The following MDN1 variants were observed in gnomAD, a reference collection of about 807,000 sequenced individuals.
MDN1 encodes midasin AAA ATPase 1.
In MDN1, 266 loss-of-function variants were observed where a neutral mutation model predicts 669.2. The observed-to-expected ratio is 0.40, with a 90% CI of 0.36 to 0.44. The LOEUF is 0.44. MDN1 is among the 20% of genes least tolerant of loss of function. MDN1 has a pLI of 1.00. For missense variants in MDN1, 5,940 were observed against 6,754.0 expected, an observed-to-expected ratio of 0.88 and a Z score of 4.22; for synonymous variants, 2,385 against 2,457.1, an observed-to-expected ratio of 0.97 and a Z score of 0.87.
intron 24 of MDN1, 84 bp from the exon 25 acceptor site, chr6:89,749,835 G>A (rs900666142): frequency 1.8e-6 from 2 of 1,099,842 alleles, no homozygotes; most frequent in African/African-American, 3.2e-5. Flanking sequence ...ACAAATCCTA[G>A]GTTATCATCA....
At position 89,686,980 on chromosome 6, in the gene MDN1, C is replaced by T. The variant is rs765999089; in HGVS notation, c.11494G>A (p.Glu3832Lys). 8 of 1,613,822 alleles carry T rather than the reference C, an allele frequency of 5.0e-6. No homozygotes were observed. Among genetic ancestry groups the T allele is most frequent in the Middle Eastern group, 1.6e-4 (1 of 6,062 alleles). The part of the protein sequence containing the change: ...SLDNTMKRHT[E>K]KSTKHWFSIY... ...GAGAACCAGTGCTTGGTGGATTTCT[C>T]GGTGTGGCGCTTCATAGTATTATCC... The change falls in exon 69 of 102, where the codon GAG becomes AAG. Residue 3832 changes from glutamate to lysine, a missense_variant. Physicochemically the swap from Glu to Lys is moderately conservative, Grantham distance 56. This residue lies in a region of MDN1 where 2,280 missense variants were observed against 2,576.3 expected (regional missense o/e 0.88). Coordinates refer to ENST00000369393, the MANE Select transcript of MDN1 (RefSeq NM_014611.3).
rs1029706098 is a variant in MDN1, at chr6:89,753,378, G to A, written c.3075+134C>T. The A allele has an allele frequency of 2.7e-5, 17 of 638,266 alleles. No homozygotes were observed. In the East Asian group the frequency reaches 3.0e-4, roughly 11 times the overall value. 39.5% of individuals were successfully genotyped at this position (638,266 alleles called of 1,614,324 possible). The stretch of plus-strand genomic sequence containing the variant: ...TTTCACCATCTAAACATATGTTTCT[G>A]TAATGTTTAAACTTTTTGCAACAGA... On this transcript the variant is annotated intron_variant, in intron 22 of 101. Coordinates refer to ENST00000369393, the MANE Select transcript of MDN1 (RefSeq NM_014611.3).
In MDN1 at chr6:89,661,408, CTCTT is replaced by C. The variant is rs1554167171; in HGVS notation, c.14713+19_14713+22del. On this transcript the variant is annotated intron_variant, in intron 88 of 101. Transcript: ENST00000369393. ...TTCACTAATGTGAGTTCTAACCGGTCTCTTTGTTTCTGAAAGACGCACCTTCTCC... is the reference window on the plus strand; with the variant it reads ...TTCACTAATGTGAGTTCTAACCGGTCTGTTTCTGAAAGACGCACCTTCTCC... The C allele has an allele frequency of 5.6e-6, 9 of 1,606,158 alleles. No homozygotes were observed. Among genetic ancestry groups the C allele is most frequent in the Middle Eastern group, 1.7e-4 (1 of 6,012 alleles).
At chr6:89,694,019 A>T in intron 62 of MDN1, 55 bp downstream of exon 62, 1 of 1,377,604 alleles carries the variant, frequency 7.3e-7, no homozygotes, top group Non-Finnish European at 1.0e-6. Context: ...TAACTACATT[A>T]CATCAAAAGG....
rs1031397210 is a variant in MDN1, at chr6:89,645,051, A to G, written c.16566T>C (p.Phe5522=). Residue 5522 remains phenylalanine, a synonymous_variant, in exon 101 of 102, where the codon TTT becomes TTC. Coordinates refer to ENST00000369393, the MANE Select transcript of MDN1 (RefSeq NM_014611.3). The part of the protein sequence containing the change: ...AVQAARNANI[F]VIFVVLDNPS... Reference sequence around the variant, plus strand: ...GATTGTCCAATACAACAAAGATGACAAAGATATTTGCATTCCGGGCAGCCT... The same window carrying G: ...GATTGTCCAATACAACAAAGATGACGAAGATATTTGCATTCCGGGCAGCCT... The G allele has an allele frequency of 6.2e-7, 1 of 1,609,372 alleles. No homozygotes were observed. Among genetic ancestry groups the G allele is most frequent in the Non-Finnish European group, 8.5e-7 (1 of 1,175,962 alleles).
At chr6:89,818,019 C>A (rs1554203698) in intron 1 of MDN1, among the ~76,000 whole-genome samples, 1 of 151,490 alleles carries the variant, frequency 6.6e-6, no homozygotes, top group Non-Finnish European at 1.5e-5. Context: ...TGAGATACAT[C>A]AAAAAAAATA....
intron 86 of MDN1, 76 bp from the exon 87 acceptor site, chr6:89,662,315 C>T (rs1290238028): frequency 1.3e-5 from 19 of 1,474,338 alleles, no homozygotes; most frequent in Non-Finnish European, 1.6e-5. Context: ...GACTTTTAGA[C>T]ATGCATAATT....
chr6:89,674,303 C>G lies in MDN1; in HGVS notation c.13048G>C (p.Asp4350His), dbSNP rs774418577. ...TAGCTCAGATTGGAAGGAATTAGGTCCAGCACTACTCCACAAAGTTGTCCC... is the reference window on the plus strand; with the variant it reads ...TAGCTCAGATTGGAAGGAATTAGGTGCAGCACTACTCCACAAAGTTGTCCC... ...SKGQLCGVVL[D>H]LIPSNLSYPS... Residue 4350 changes from aspartate (D) to histidine (H), a missense_variant, in exon 79 of 102, where the codon GAC becomes CAC. Asp to His is a moderately conservative substitution (Grantham distance 81, BLOSUM62 -1). Transcript: ENST00000369393. The G allele has an allele frequency of 9.9e-6, 16 of 1,614,102 alleles. No individual in the cohort carries two copies. The highest frequency in any genetic ancestry group is 6.7e-5 in the Admixed American group (4 of 60,012).
chr6:89,761,589 C>T, intron 17 of MDN1, 56 bp downstream of exon 17: 5 of 1,292,534 alleles, frequency 3.9e-6, no homozygotes, highest in Non-Finnish European at 5.5e-6. Flanking sequence ...CTGCCTGAAA[C>T]ATTGTTTTGC....
intron 26 of MDN1, 84 bp from the exon 27 acceptor site, chr6:89,747,554 A>G (rs761594571): frequency 3.0e-4 from 398 of 1,342,148 alleles, no homozygotes; most frequent in Non-Finnish European, 3.8e-4. Context: ...AAAATTCATA[A>G]CAAATTTATG....
intron 1 of MDN1, chr6:89,815,050 CA>C: frequency 8.0e-6 from 4 of 497,110 alleles, no homozygotes; most frequent in Non-Finnish European, 1.1e-5. Context: ...GAAAGGGGTA[CA>C]AAAGGGAGAG....
intron 97 of MDN1, among the ~76,000 whole-genome samples, chr6:89,649,329 A>C (rs978290083): frequency 1.4e-4 from 21 of 152,368 alleles, no homozygotes; most frequent in Middle Eastern, 6.8e-3. Flanking sequence ...GGTGAAACTG[A>C]TAACTAAGAA....
chr6:89,655,996 G>T (rs1209599248), intron 91 of MDN1, 28 bp from the exon 92 acceptor site: 3 of 1,597,296 alleles, frequency 1.9e-6, no homozygotes. Flanking sequence ...ATTCATCAGA[G>T]CCTTGCCTGT....
At chr6:89,745,985 G>GA (rs894252034) in intron 27 of MDN1, among the ~76,000 whole-genome samples, 1 of 151,696 alleles carries the variant, frequency 6.6e-6, no homozygotes, top group Non-Finnish European at 1.5e-5. Flanking sequence ...AAAAGAAAAA[G>GA]AAAAAAAAGA....
chr6:89,801,518 GCA>G (rs1307118339), intron 2 of MDN1, among the ~76,000 whole-genome samples: 3 of 152,134 alleles, frequency 2.0e-5, no homozygotes, highest in South Asian at 4.1e-4. Context: ...AGGTGTGGTG[GCA>G]CGCACCTGTA....
At chr6:89,787,348 T>G (rs1819016604) in intron 8 of MDN1, among the ~76,000 whole-genome samples, 1 of 152,360 alleles carries the variant, frequency 6.6e-6, no homozygotes, top group Non-Finnish European at 1.5e-5. Flanking sequence ...TTTGTGCCTT[T>G]GTTCATGCTT....
chr6:89,818,019 C>CA (rs979405498), intron 1 of MDN1, among the ~76,000 whole-genome samples: 8 of 151,490 alleles, frequency 5.3e-5, no homozygotes, highest in South Asian at 2.1e-4. Context: ...TGAGATACAT[C>CA]AAAAAAAATA....
intron 8 of MDN1, among the ~76,000 whole-genome samples, 185 bp downstream of exon 8, chr6:89,787,669 C>T (rs1819038597): frequency 6.6e-6 from 1 of 151,546 alleles, no homozygotes; most frequent in Admixed American, 6.6e-5. Context: ...GGGGGGGGGA[C>T]CTCTTATTTT....
chr6:89,651,839 G>A (rs374185836), intron 95 of MDN1, among the ~76,000 whole-genome samples: 15 of 152,312 alleles, frequency 9.8e-5, no homozygotes, highest in South Asian at 2.1e-4. Context: ...ACACTACCAC[G>A]TTAAGTCAGC....
Sources: gnomAD v4.1 joint callset for allele counts (sites outside exome capture counted in the v4.1 genomes callset) on GRCh38, gnomAD v4.1.1 for gene constraint, gnomAD v4.1.1 regional missense constraint, MANE v1.5 for transcripts, NCBI Gene and HGNC (gene_info 2026-07-23, HGNC 2026-07-21) for gene names.